CADPS: variants seen among roughly 807,000 people sequenced by gnomAD.
The protein encoded by CADPS is calcium-dependent secretion activator 1.
A neutral mutation model predicts 167.3 loss-of-function variants in CADPS; 57 were observed. The ratio of observed to expected loss-of-function variants is 0.34; its 90% CI spans 0.28 to 0.42. CADPS has a LOEUF of 0.42. Ranked by LOEUF, CADPS falls within the 20% of genes least tolerant of loss-of-function variation. The pLI is 1.00. For synonymous variants in CADPS, 676 were observed against 635.3 expected, an observed-to-expected ratio of 1.06 and a Z score of -0.96; for missense variants, 1,414 against 1,738.1, an observed-to-expected ratio of 0.81 and a Z score of 3.32.
intron 24 of CADPS, among the ~76,000 whole-genome samples, chr3:62,471,247 G>C (rs2060570570): frequency 6.6e-6 from 1 of 152,110 alleles, no homozygotes; most frequent in East Asian, 1.9e-4. Flanking sequence ...GTCAAGCTAA[G>C]GTCATTCTAC....
Position 62,492,910 on chromosome 3 carries a change from T to C in CADPS, c.2728-464A>G, listed in dbSNP as rs575549356. Among the ~76,000 whole-genome samples, 66 of 152,130 alleles carry C rather than the reference T, an allele frequency of 4.3e-4. No individual in the cohort carries two copies. In the South Asian group the frequency reaches 0.013, roughly 31 times the overall value. ...TATCTGGGGCTTGTCTATGGTCTCA[T>C]ACAAAAACTCAAGAACTCATGTTTC... On this transcript the variant is annotated intron_variant, in intron 19 of 29. Coordinates refer to ENST00000383710, the MANE Select transcript of CADPS (RefSeq NM_003716.4).
intron 1 of CADPS, among the ~76,000 whole-genome samples, chr3:62,856,803 G>A (rs1198257944): frequency 6.6e-6 from 1 of 151,462 alleles, no homozygotes; most frequent in African/African-American, 2.4e-5. Context: ...TCAACTGAAA[G>A]GTCATTCATA....
In CADPS at chr3:62,848,034, G is replaced by A. The variant is rs2077816271; in HGVS notation, c.441+26555C>T. Among the ~76,000 whole-genome samples, 4 of 122,564 alleles carry A rather than the reference G, an allele frequency of 3.3e-5. No homozygotes were observed. In the East Asian group the frequency reaches 9.0e-4, roughly 27 times the overall value. The allele number at this position is 122,564 out of a possible 152,430, so 80.4% of individuals were successfully genotyped here. A position where few individuals can be genotyped will look rare whatever the true frequency, so the allele number is the denominator to read the frequency against. On this transcript the variant is annotated intron_variant, in intron 1 of 29. Coordinates refer to ENST00000383710, the MANE Select transcript of CADPS (RefSeq NM_003716.4). ...TTGCATTTCTCTGATGGCCAGTGAT[G>A]ATGAGCATTTTTTCATGTGTTTTTT...
At chr3:62,775,650 T>G (rs73106337) in intron 1 of CADPS, among the ~76,000 whole-genome samples, 20,243 of 152,230 alleles carry the variant, frequency 0.13, 1,414 homozygotes, top group South Asian at 0.16. Flanking sequence ...TACCTACATT[T>G]GTCTGTTGAT....
chr3:62,621,408 C>T (rs1180841769), intron 6 of CADPS, among the ~76,000 whole-genome samples: 3 of 152,018 alleles, frequency 2.0e-5, no homozygotes, highest in African/African-American at 7.2e-5. Context: ...GCAAAGCTCT[C>T]CTTTACTCAC....
chr3:62,511,080 G>A (rs2067715478), intron 17 of CADPS, among the ~76,000 whole-genome samples: 1 of 152,002 alleles, frequency 6.6e-6, no homozygotes, highest in South Asian at 2.1e-4. Context: ...TGCATAAACA[G>A]CCTTCAATGA....
intron 21 of CADPS, among the ~76,000 whole-genome samples, chr3:62,488,927 T>A (rs1477443563): frequency 1.3e-5 from 2 of 152,228 alleles, no homozygotes; most frequent in Non-Finnish European, 2.9e-5. Flanking sequence ...CACACGTATC[T>A]GCATAATTCT....
chr3:62,816,770 C>T (rs1325960427), intron 1 of CADPS, among the ~76,000 whole-genome samples: 2 of 152,086 alleles, frequency 1.3e-5, no homozygotes, highest in African/African-American at 2.4e-5. Context: ...GCAAACCAAA[C>T]AGAGCTGACA....
intron 6 of CADPS, among the ~76,000 whole-genome samples, chr3:62,599,759 ATT>A (rs1202700157): frequency 5.9e-5 from 1 of 16,950 alleles, no homozygotes; most frequent in African/African-American, 2.6e-4. Flanking sequence ...TATTATATAT[ATT>A]GTATATATAA....
At chr3:62,546,303 A>G (rs2076440323) in intron 11 of CADPS, among the ~76,000 whole-genome samples, 1 of 152,142 alleles carries the variant, frequency 6.6e-6, no homozygotes, top group Admixed American at 6.5e-5. Flanking sequence ...CTTGCGTGGT[A>G]GTACCTGGTG....
rs550035497 is a variant in CADPS at position 62,822,854 on chromosome 3, A to C, written c.441+51735T>G. Among the ~76,000 whole-genome samples the C allele has an allele frequency of 7.9e-5, 12 of 152,164 alleles. No homozygotes were observed. In the East Asian group the frequency reaches 2.3e-3, roughly 29 times the overall value. On this transcript the variant is annotated intron_variant, in intron 1 of 29. Coordinates refer to ENST00000383710, the MANE Select transcript of CADPS (RefSeq NM_003716.4). ...GAGACTCCATCTCAAAAAAATAAAA[A>C]TAAAAATTAAAATTAAATTAAAAAA...
At chr3:62,705,347 T>A (rs761226885) in intron 3 of CADPS, among the ~76,000 whole-genome samples, 2 of 152,132 alleles carry the variant, frequency 1.3e-5, no homozygotes, top group Non-Finnish European at 2.9e-5. Context: ...TCTTCCAGCA[T>A]CTTTCCTCAG....
At chr3:62,654,403 C>T (rs774372659) in intron 4 of CADPS, among the ~76,000 whole-genome samples, 2 of 152,066 alleles carry the variant, frequency 1.3e-5, no homozygotes, top group African/African-American at 2.4e-5. Flanking sequence ...AGGTGGTGAC[C>T]TTTGGGATGA....
Position 62,605,476 on chromosome 3 carries a change from T to C in CADPS, c.1326-12728A>G, listed in dbSNP as rs544132541. 1.3e-4 allele frequency among the ~76,000 whole-genome samples: 20 copies of C among 152,340 alleles called. No homozygotes were observed. In the South Asian group the frequency reaches 3.1e-3, roughly 24 times the overall value. On this transcript the variant is annotated intron_variant, in intron 6 of 29. Transcript: ENST00000383710. Reference sequence around the variant, plus strand: ...CATGTCTGTAAAGTGGTCACATGAATAGCATCTACCTTATAGGGTTTCTAA... The same window carrying C: ...CATGTCTGTAAAGTGGTCACATGAACAGCATCTACCTTATAGGGTTTCTAA...
chr3:62,582,464 C>CT (rs1004637449), intron 8 of CADPS, among the ~76,000 whole-genome samples: 35 of 152,136 alleles, frequency 2.3e-4, no homozygotes, highest in Admixed American at 6.5e-4. Flanking sequence ...TTTTCTTTTC[C>CT]TTTTTTTCTC....
At chr3:62,443,296 G>C (rs922510503) in intron 27 of CADPS, among the ~76,000 whole-genome samples, 7 of 152,242 alleles carry the variant, frequency 4.6e-5, no homozygotes, top group African/African-American at 1.7e-4. Context: ...AACTGTTCTA[G>C]TGAGTACTTT....
chr3:62,856,859 A>G (rs1178450692), intron 1 of CADPS, among the ~76,000 whole-genome samples: 1 of 149,284 alleles, frequency 6.7e-6, no homozygotes, highest in Non-Finnish European at 1.5e-5. Flanking sequence ...TAAAAAATAT[A>G]AAGGTAAAAA....
At chr3:62,662,093 G>T (rs942403779) in intron 4 of CADPS, among the ~76,000 whole-genome samples, 1 of 152,172 alleles carries the variant, frequency 6.6e-6, no homozygotes, top group African/African-American at 2.4e-5. Context: ...AATGTTGGAG[G>T]TCTGAGCTTG....
chr3:62,586,425 C>T (rs2084649505), intron 7 of CADPS, among the ~76,000 whole-genome samples: 1 of 151,984 alleles, frequency 6.6e-6, no homozygotes, highest in Non-Finnish European at 1.5e-5. Context: ...GCAAGCTTGG[C>T]CCATGCTTGA....
Sources: allele counts gnomAD v4.1 joint callset (sites outside exome capture counted in the v4.1 genomes callset), GRCh38; gene constraint gnomAD v4.1.1; transcripts MANE v1.5; gene names NCBI Gene and HGNC (gene_info 2026-07-23, HGNC 2026-07-21).